Variants in APP observed in about 807,000 individuals in gnomAD.
APP encodes amyloid-beta precursor protein.
In APP, 31 loss-of-function variants were observed where a neutral mutation model predicts 101.4. That is an observed-to-expected ratio of 0.31 (90% CI 0.23 to 0.41). APP has a LOEUF of 0.41. APP is among the 10% of genes least tolerant of loss of function. The pLI, the probability that APP is intolerant of heterozygous loss-of-function variation, is 1.00. For synonymous variants in APP, 366 were observed against 364.4 expected (o/e 1.00, Z -0.05); for missense variants, 839 against 1,003.7 (o/e 0.84, Z 2.22).
Position 25,880,953 on chromosome 21 carries a change from A to G in APP, c.*717T>C, listed in dbSNP as rs186409009. 3.2e-5 allele frequency: 4 copies of G among 125,004 alleles called. No homozygotes were observed. The East Asian group carries it at 8.3e-4, about 26-fold the overall frequency. The allele number at this position is 125,004 out of a possible 1,614,324, so 7.7% of individuals were successfully genotyped here. ...GAGCACCCCTCCCCACCCGCCCCGTAAAAGTGCTTACAATGAACAGGGATT... is the reference window on the plus strand; with the variant it reads ...GAGCACCCCTCCCCACCCGCCCCGTGAAAGTGCTTACAATGAACAGGGATT... On this transcript the variant is annotated 3_prime_UTR_variant, in exon 18 of 18. Transcript: ENST00000346798.
chr21:26,096,761 G>A (rs2061950758), intron 2 of APP, among the ~76,000 whole-genome samples: 1 of 152,092 alleles, frequency 6.6e-6, no homozygotes, highest in East Asian at 1.9e-4. Flanking sequence ...GGGCAACAGA[G>A]TGAGACCCCG....
intron 1 of APP, among the ~76,000 whole-genome samples, chr21:26,158,464 A>G (rs2063418864): frequency 6.6e-6 from 1 of 152,148 alleles, no homozygotes; most frequent in Admixed American, 6.5e-5. Context: ...TTCTGATAGC[A>G]ATGCTCCCAG....
intron 5 of APP, among the ~76,000 whole-genome samples, chr21:26,024,584 G>A (rs958058879): frequency 5.9e-5 from 9 of 152,142 alleles, no homozygotes; most frequent in African/African-American, 1.2e-4. Flanking sequence ...TAACAGGACC[G>A]CCATAAGTAG....
Position 26,110,516 on chromosome 21 carries a change from T to A in APP, c.225+1463A>T, listed in dbSNP as rs569020786. Among the ~76,000 whole-genome samples the A allele has an allele frequency of 3.3e-3, 500 of 152,278 alleles. 3 individuals are homozygous for A. Among genetic ancestry groups the A allele is most frequent in the Middle Eastern group, 0.027 (8 of 294 alleles). On this transcript the variant is annotated intron_variant, in intron 2 of 17. Coordinates refer to ENST00000346798, the MANE Select transcript of APP (RefSeq NM_000484.4). Reference sequence around the variant, plus strand: ...TATTAGTGATTTCCACTATTCATCATTTCACATCATGGTTCATACTCCTTT... The same window carrying A: ...TATTAGTGATTTCCACTATTCATCAATTCACATCATGGTTCATACTCCTTT...
chr21:26,099,065 ATATGC>A (rs2062005752), intron 2 of APP, among the ~76,000 whole-genome samples: 1 of 152,168 alleles, frequency 6.6e-6, no homozygotes, highest in Non-Finnish European at 1.5e-5. Flanking sequence ...CTACTTGTAC[ATATGC>A]TTGTAATTTT....
Position 26,102,712 on chromosome 21 carries a change from G to A in APP, c.225+9267C>T, listed in dbSNP as rs139872433. Among the ~76,000 whole-genome samples the A allele has an allele frequency of 3.3e-3, 506 of 151,820 alleles. 3 individuals carry two copies. Among genetic ancestry groups the A allele is most frequent in the African/African-American group, 0.012 (487 of 41,460 alleles). On this transcript the variant is annotated intron_variant, in intron 2 of 17. Transcript: ENST00000346798. ...TCGAGACCAGCCTGGCCAACATGGT[G>A]AAACCCCATCTCTAGTAAAAATACA... is the stretch of plus-strand genomic sequence containing the variant.
intron 8 of APP, among the ~76,000 whole-genome samples, chr21:25,986,669 C>A (rs2042650351): frequency 6.6e-6 from 1 of 152,192 alleles, no homozygotes; most frequent in South Asian, 2.1e-4. Context: ...CAGTGCACCC[C>A]AGTCTGGGCT....
chr21:26,112,381 G>A (rs532293581), intron 1 of APP, among the ~76,000 whole-genome samples: 45 of 152,276 alleles, frequency 3.0e-4, no homozygotes, highest in African/African-American at 1.1e-3. Context: ...TACCAATACC[G>A]AAAGGAATTT....
chr21:26,165,905 A>G (rs1377440923), intron 1 of APP, among the ~76,000 whole-genome samples: 1 of 152,220 alleles, frequency 6.6e-6, no homozygotes, highest in African/African-American at 2.4e-5. Flanking sequence ...TGATGCACAT[A>G]TCCAGGCTTT....
At chr21:25,938,872 G>T (rs1055435997) in intron 13 of APP, among the ~76,000 whole-genome samples, 11 of 152,184 alleles carry the variant, frequency 7.2e-5, no homozygotes, top group Non-Finnish European at 1.5e-4. Context: ...AGCTTCCCCT[G>T]TTCGTGGATT....
chr21:26,154,154 A>C (rs2146352596), intron 1 of APP, among the ~76,000 whole-genome samples: 1 of 152,340 alleles, frequency 6.6e-6, no homozygotes, highest in Non-Finnish European at 1.5e-5. Flanking sequence ...CTGGGTAAGA[A>C]CTATGGGCAC....
intron 3 of APP, among the ~76,000 whole-genome samples, chr21:26,063,018 C>A (rs1284385799): frequency 6.6e-6 from 1 of 152,198 alleles, no homozygotes; most frequent in Non-Finnish European, 1.5e-5. Context: ...CCTGCCTCAG[C>A]CTCCCAAAGT....
chr21:26,089,816 A>G, intron 3 of APP, 127 bp downstream of exon 3: 2 of 1,423,024 alleles, frequency 1.4e-6, no homozygotes, highest in Non-Finnish European at 1.9e-6. Context: ...TCCAAAACAC[A>G]GTACAACACA....
intron 6 of APP, among the ~76,000 whole-genome samples, chr21:26,004,207 T>TTAA (rs2043412393): frequency 6.6e-6 from 1 of 152,002 alleles, no homozygotes; most frequent in African/African-American, 2.4e-5. Context: ...TGTTAAGGGA[T>TTAA]TAATGTCAAT....
intron 9 of APP, among the ~76,000 whole-genome samples, chr21:25,978,150 C>CA (rs1186450813): frequency 2.6e-5 from 4 of 152,138 alleles, no homozygotes; most frequent in African/African-American, 9.7e-5. Flanking sequence ...TAATGAGTTG[C>CA]AAATAAGCAT....
intron 3 of APP, among the ~76,000 whole-genome samples, chr21:26,078,742 G>T (rs757552649): frequency 1.9e-4 from 29 of 152,112 alleles, no homozygotes; most frequent in Non-Finnish European, 3.5e-4. Flanking sequence ...TGGCTTGAAT[G>T]GTTAAAAAAA....
At chr21:25,899,799 G>C (rs901036226) in intron 15 of APP, among the ~76,000 whole-genome samples, 1 of 152,180 alleles carries the variant, frequency 6.6e-6, no homozygotes. Flanking sequence ...TTGCTACGTA[G>C]CAATAGGTAA....
chr21:26,096,894 G>A (rs1041952713), intron 2 of APP, among the ~76,000 whole-genome samples: 3 of 152,212 alleles, frequency 2.0e-5, no homozygotes, highest in Non-Finnish European at 4.4e-5. Context: ...AAGGAAAACA[G>A]GGAATACTCA....
At chr21:26,114,964 A>AT (rs900347526) in intron 1 of APP, among the ~76,000 whole-genome samples, 1 of 151,986 alleles carries the variant, frequency 6.6e-6, no homozygotes, top group Non-Finnish European at 1.5e-5. Context: ...TTTTTAAAAC[A>AT]TTTTTTTCAA....
Sources: allele counts gnomAD v4.1 joint callset (sites outside exome capture counted in the v4.1 genomes callset), GRCh38; gene constraint gnomAD v4.1.1; transcripts MANE v1.5; gene names NCBI Gene and HGNC (gene_info 2026-07-23, HGNC 2026-07-21).